SPTSSB: variants seen among roughly 807,000 people sequenced by gnomAD.
SPTSSB encodes the protein serine palmitoyltransferase small subunit B.
A neutral mutation model predicts 7.7 loss-of-function variants in SPTSSB; 6 were observed. The ratio of observed to expected loss-of-function variants is 0.78; its 90% CI spans 0.43 to 1.54. The LOEUF (loss-of-function observed/expected upper bound fraction) is 1.54, where lower values mean the gene tolerates loss of function less well. SPTSSB is among the 40% of genes most tolerant of loss of function. SPTSSB has a pLI of 0.01. For synonymous variants in SPTSSB, 28 were observed against 29.7 expected, an observed-to-expected ratio of 0.94 and a Z score of 0.19; for missense variants, 91 against 93.0, an observed-to-expected ratio of 0.98 and a Z score of 0.09.
Position 161,364,572 on chromosome 3 carries a change from C to A in SPTSSB, c.-125-4678G>T, listed in dbSNP as rs575784774. On this transcript the variant is annotated intron_variant, in intron 1 of 2. Transcript: ENST00000620149. ...CTATGCTAATTTTGATTAAAGGTCA[C>A]ACACAGGAAAAAGCATTAGATTTTC... is the stretch of plus-strand genomic sequence containing the variant. Among the ~76,000 whole-genome samples, 14 of 152,012 alleles carry A rather than the reference C, an allele frequency of 9.2e-5. No individual in the cohort carries two copies. The South Asian group carries it at 2.9e-3, about 32-fold the overall frequency.
chr3:161,362,290 G>C (rs1715047556), intron 1 of SPTSSB, among the ~76,000 whole-genome samples: 1 of 152,060 alleles, frequency 6.6e-6, no homozygotes, highest in Non-Finnish European at 1.5e-5. Context: ...AAACACATGA[G>C]ATCCTGTTCT....
intron 2 of SPTSSB, among the ~76,000 whole-genome samples, chr3:161,359,024 C>T (rs1457255327): frequency 2.0e-5 from 3 of 152,132 alleles, no homozygotes; most frequent in African/African-American, 7.2e-5. Context: ...TCCACATCCC[C>T]TACCCTTGGC....
At position 161,370,723 on chromosome 3, in the gene SPTSSB, C is replaced by G. The variant is rs561671469; in HGVS notation, c.-126+712G>C. Among the ~76,000 whole-genome samples, 10 of 152,330 alleles carry G rather than the reference C, an allele frequency of 6.6e-5. No homozygotes were observed. The South Asian group carries it at 1.7e-3, about 25-fold the overall frequency. On this transcript the variant is annotated intron_variant, in intron 1 of 2. Transcript: ENST00000620149. ...TCCTTATGTGATTGTGGACTGGGCT[C>G]ATATGTGAATTGCCAACCAGTTGAA...
At chr3:161,357,727 G>A (rs1027920255) in intron 2 of SPTSSB, among the ~76,000 whole-genome samples, 1 of 152,088 alleles carries the variant, frequency 6.6e-6, no homozygotes, top group African/African-American at 2.4e-5. Flanking sequence ...TTAAAAGAGA[G>A]ACACAGAGAA....
intron 1 of SPTSSB, among the ~76,000 whole-genome samples, chr3:161,369,262 CTCTTTCTTTT>C (rs1267209151): frequency 6.7e-6 from 1 of 148,536 alleles, no homozygotes; most frequent in Non-Finnish European, 1.5e-5. Context: ...TTCTTTCTTT[CTCTTTCTTTT>C]TCTTCTTTCT....
chr3:161,369,765 T>G (rs1181360026), intron 1 of SPTSSB, among the ~76,000 whole-genome samples: 1 of 151,976 alleles, frequency 6.6e-6, no homozygotes, highest in African/African-American at 2.4e-5. Flanking sequence ...GGATCTAGGT[T>G]GAGAGGGGGC....
intron 1 of SPTSSB, among the ~76,000 whole-genome samples, chr3:161,369,891 T>C (rs1715434690): frequency 6.6e-6 from 1 of 152,194 alleles, no homozygotes; most frequent in Non-Finnish European, 1.5e-5. Flanking sequence ...TACTGAAATA[T>C]AAGAGATTGT....
At chr3:161,370,780 A>C (rs147349098) in intron 1 of SPTSSB, among the ~76,000 whole-genome samples, 15 of 152,336 alleles carry the variant, frequency 9.8e-5, no homozygotes, top group African/African-American at 3.6e-4. Flanking sequence ...TCTGGAGTCC[A>C]ACTCATATTT....
chr3:161,360,986 T>C (rs996314832), intron 1 of SPTSSB, among the ~76,000 whole-genome samples: 3 of 152,108 alleles, frequency 2.0e-5, no homozygotes, highest in African/African-American at 7.2e-5. Context: ...AAAGGGGATA[T>C]GGCTTCTGGC....
At chr3:161,350,762 G>T (rs1232750430) in intron 2 of SPTSSB, among the ~76,000 whole-genome samples, 1 of 152,112 alleles carries the variant, frequency 6.6e-6, no homozygotes, top group Admixed American at 6.5e-5. Flanking sequence ...AGTATGGAAG[G>T]GGGGATAAAA....
At chr3:161,369,384 C>CTT (rs1560109152) in intron 1 of SPTSSB, among the ~76,000 whole-genome samples, 1 of 38,626 alleles carries the variant, frequency 2.6e-5, no homozygotes, top group African/African-American at 1.3e-4. Flanking sequence ...CTCTTTCTTT[C>CTT]CTTTTTTTTT....
intron 2 of SPTSSB, among the ~76,000 whole-genome samples, chr3:161,350,642 T>A (rs1714489608): frequency 1.3e-5 from 2 of 152,190 alleles, no homozygotes; most frequent in Admixed American, 1.3e-4. Context: ...TCACAGTAGC[T>A]TTCTTTGGAA....
At chr3:161,359,579 A>G in intron 2 of SPTSSB, 1 of 392,216 alleles carries the variant, frequency 2.5e-6, no homozygotes, top group Non-Finnish European at 3.5e-6. Flanking sequence ...ACACGTTTCA[A>G]AGGAACTTGG....
intron 2 of SPTSSB, among the ~76,000 whole-genome samples, chr3:161,349,145 G>A (rs189709202): frequency 1.3e-4 from 20 of 152,126 alleles, no homozygotes; most frequent in Non-Finnish European, 1.5e-4. Flanking sequence ...TAATGGCTTC[G>A]GAAAGACTTT....
At chr3:161,358,258 G>A (rs979188120) in intron 2 of SPTSSB, among the ~76,000 whole-genome samples, 1 of 152,004 alleles carries the variant, frequency 6.6e-6, no homozygotes, top group African/African-American at 2.4e-5. Flanking sequence ...TTAAAGATAA[G>A]GAAACTGAGG....
intron 1 of SPTSSB, among the ~76,000 whole-genome samples, chr3:161,367,133 C>T (rs1039553299): frequency 9.9e-5 from 15 of 152,244 alleles, no homozygotes; most frequent in South Asian, 8.3e-4. Flanking sequence ...GCTGAGATCA[C>T]GCCATTGCAC....
chr3:161,359,591 A>G (rs1227102011), intron 2 of SPTSSB: 1 of 436,664 alleles, frequency 2.3e-6, no homozygotes, highest in African/African-American at 2.2e-5. Context: ...GGAACTTGGA[A>G]TATCCGTAAG....
Position 161,346,469 on chromosome 3 carries a change from ATAT to A in SPTSSB, c.-32-117_-32-115del, listed in dbSNP as rs1362447651. On this transcript the variant is annotated intron_variant, in intron 2 of 2. Transcript: ENST00000620149. Reference sequence around the variant, plus strand: ...AAAGATTTGTTAAAGATCATTGAATATATTATTAATATATGAATATTCTGTAAA... The same window carrying A: ...AAAGATTTGTTAAAGATCATTGAATATATTAATATATGAATATTCTGTAAA... 20 of 536,220 alleles carry A rather than the reference ATAT, an allele frequency of 3.7e-5. 1 individual carries two copies. In the South Asian group the frequency reaches 5.4e-4, roughly 14 times the overall value. The allele number at this position is 536,220 out of a possible 1,614,324, so 33.2% of individuals were successfully genotyped here.
chr3:161,362,767 C>T (rs1290718547), intron 1 of SPTSSB, among the ~76,000 whole-genome samples: 4 of 151,782 alleles, frequency 2.6e-5, no homozygotes, highest in African/African-American at 9.7e-5. Flanking sequence ...TTCATAAAGC[C>T]CATGAAAATT....
Sources: allele counts gnomAD v4.1 joint callset (sites outside exome capture counted in the v4.1 genomes callset), GRCh38; gene constraint gnomAD v4.1.1; transcripts MANE v1.5; gene names NCBI Gene and HGNC (gene_info 2026-07-23, HGNC 2026-07-21).